The following KCND2 variants were observed in gnomAD, a reference collection of about 807,000 sequenced individuals.
KCND2 encodes A-type voltage-gated potassium channel KCND2.
KCND2 carries 16 observed loss-of-function variants against 54.4 expected under a neutral mutation model. That is an observed-to-expected ratio of 0.29 (90% CI 0.20 to 0.45). The LOEUF is 0.45. Among genes scored for constraint, KCND2 ranks in the 20% least tolerant of loss-of-function variants. The pLI is 1.00. For missense variants in KCND2, 486 were observed against 824.2 expected (o/e 0.59, Z 5.02); for synonymous variants, 317 against 310.7 (o/e 1.02, Z -0.21).
intron 1 of KCND2, among the ~76,000 whole-genome samples, chr7:120,643,121 A>G (rs2116533597): frequency 6.6e-6 from 1 of 152,328 alleles, no homozygotes. Flanking sequence ...GTACATACTG[A>G]TATCTTTTAC....
intron 1 of KCND2, among the ~76,000 whole-genome samples, chr7:120,322,687 T>C (rs781221986): frequency 7.9e-5 from 12 of 152,110 alleles, no homozygotes; most frequent in Non-Finnish European, 1.3e-4. Context: ...CCATATCCTG[T>C]TCTCTGGGTG....
In KCND2 at chr7:120,750,002, G is replaced by GCCTCCT. The variant is rs1412085484; in HGVS notation, c.*2146_*2151dup. Reference sequence around the variant, plus strand: ...TTAGGTTATTTCAATTGACAATTCTGCCTCCTCTTTTGATTTATCACTTAC... The same window carrying GCCTCCT: ...TTAGGTTATTTCAATTGACAATTCTGCCTCCTCCTCCTCTTTTGATTTATCACTTAC... On this transcript the variant is annotated 3_prime_UTR_variant, in exon 6 of 6. Transcript: ENST00000331113. 1 of 151,740 alleles carries GCCTCCT rather than the reference G, an allele frequency of 6.6e-6. No individual in the cohort carries two copies. The highest frequency in any genetic ancestry group is 1.5e-5 in the Non-Finnish European group (1 of 67,806). The allele number at this position is 151,740 out of a possible 1,614,324, so 9.4% of individuals were successfully genotyped here. A position where few individuals can be genotyped will look rare whatever the true frequency, so the allele number is the denominator to read the frequency against.
chr7:120,464,117 G>C, intron 1 of KCND2: 1 of 975,210 alleles, frequency 1.0e-6, no homozygotes, highest in Non-Finnish European at 1.2e-6. Context: ...TTTCCCCCTA[G>C]CTATCATTTA....
intron 1 of KCND2, among the ~76,000 whole-genome samples, chr7:120,303,566 C>G (rs765447925): frequency 6.6e-6 from 1 of 152,114 alleles, no homozygotes; most frequent in Non-Finnish European, 1.5e-5. Flanking sequence ...CTGCCAAAGA[C>G]AAAATTTTTA....
intron 1 of KCND2, among the ~76,000 whole-genome samples, chr7:120,434,716 T>C (rs1297995289): frequency 1.3e-5 from 2 of 152,306 alleles, no homozygotes; most frequent in Non-Finnish European, 2.9e-5. Context: ...AGTGGCCTCT[T>C]GTGGGGACAC....
chr7:120,296,031 C>G (rs757128043), intron 1 of KCND2, among the ~76,000 whole-genome samples: 1 of 152,030 alleles, frequency 6.6e-6, no homozygotes, highest in Non-Finnish European at 1.5e-5. Flanking sequence ...ACTGAATACT[C>G]AAGTATAATC....
Position 120,377,416 on chromosome 7 carries a change from G to A in KCND2, c.1115+101669G>A, listed in dbSNP as rs185962491. 3.5e-3 allele frequency among the ~76,000 whole-genome samples: 529 copies of A among 151,974 alleles called. 3 individuals are homozygous for A. The highest frequency in any genetic ancestry group is 0.012 in the African/African-American group (506 of 41,486). On this transcript the variant is annotated intron_variant, in intron 1 of 5. Transcript: ENST00000331113. ...AGTTTGTGGTGAGATTGTTAAAAATGTGATTCCTTCACTTCTTGAACAGAT... is the reference window on the plus strand; with the variant it reads ...AGTTTGTGGTGAGATTGTTAAAAATATGATTCCTTCACTTCTTGAACAGAT...
At chr7:120,560,836 G>T (rs1433855786) in intron 1 of KCND2, among the ~76,000 whole-genome samples, 1 of 152,088 alleles carries the variant, frequency 6.6e-6, no homozygotes, top group African/African-American at 2.4e-5. Flanking sequence ...AGATTATCGA[G>T]ACAATTCTAA....
At position 120,720,423 on chromosome 7, in the gene KCND2, C is replaced by T. The variant is rs570835320; in HGVS notation, c.1116-12480C>T. ...CTGTGGTAAGGTAAGCAGAGCACGG[C>T]TTTGGGTGAAAAAGCCCTGGGTTCC... On this transcript the variant is annotated intron_variant, in intron 1 of 5. Transcript: ENST00000331113. Among the ~76,000 whole-genome samples, 4 of 152,186 alleles carry T rather than the reference C, an allele frequency of 2.6e-5. No homozygotes were observed. In the East Asian group the frequency reaches 5.8e-4, roughly 22 times the overall value.
At chr7:120,275,865 A>C (rs1374161674) in intron 1 of KCND2, 118 bp downstream of exon 1, 2 of 1,167,918 alleles carry the variant, frequency 1.7e-6, no homozygotes, top group Non-Finnish European at 2.5e-6. Flanking sequence ...GAGTTTAGGA[A>C]AGCATTATCT....
intron 1 of KCND2, among the ~76,000 whole-genome samples, chr7:120,715,010 A>T (rs926350406): frequency 2.6e-5 from 4 of 152,070 alleles, no homozygotes; most frequent in African/African-American, 9.7e-5. Context: ...GTGTAGACCA[A>T]ATACCCCACG....
intron 1 of KCND2, among the ~76,000 whole-genome samples, chr7:120,417,431 T>G (rs955974273): frequency 6.6e-6 from 1 of 152,182 alleles, no homozygotes; most frequent in African/African-American, 2.4e-5. Flanking sequence ...CTGAAAAGAT[T>G]TATTGAGACC....
At chr7:120,326,543 G>A (rs1799982148) in intron 1 of KCND2, among the ~76,000 whole-genome samples, 1 of 152,042 alleles carries the variant, frequency 6.6e-6, no homozygotes, top group East Asian at 1.9e-4. Flanking sequence ...CATTGTTGAA[G>A]GGAAAATATA....
intron 1 of KCND2, among the ~76,000 whole-genome samples, chr7:120,604,389 T>A (rs1490176986): frequency 6.8e-6 from 1 of 147,984 alleles, no homozygotes; most frequent in Non-Finnish European, 1.5e-5. Flanking sequence ...TCCCAGGTAC[T>A]CAGGAGACTG....
At chr7:120,490,242 T>C (rs1050891611) in intron 1 of KCND2, among the ~76,000 whole-genome samples, 2 of 152,158 alleles carry the variant, frequency 1.3e-5, no homozygotes, top group Non-Finnish European at 2.9e-5. Context: ...TTTAGCGTTC[T>C]TTCAGTTATG....
chr7:120,672,664 A>C (rs931211454), intron 1 of KCND2, among the ~76,000 whole-genome samples: 9 of 152,192 alleles, frequency 5.9e-5, no homozygotes, highest in East Asian at 1.9e-4. Flanking sequence ...AATGAGCCAG[A>C]TCTATCAGCA....
chr7:120,496,446 A>G (rs1802848663), intron 1 of KCND2, among the ~76,000 whole-genome samples: 1 of 151,636 alleles, frequency 6.6e-6, no homozygotes, highest in Non-Finnish European at 1.5e-5. Context: ...TTTTTTTGAG[A>G]TGGAGTCTCG....
At chr7:120,604,537 T>C (rs1792856603) in intron 1 of KCND2, among the ~76,000 whole-genome samples, 1 of 147,944 alleles carries the variant, frequency 6.8e-6, no homozygotes, top group Non-Finnish European at 1.5e-5. Context: ...ATAATAATAA[T>C]AATAATAATA....
intron 1 of KCND2, among the ~76,000 whole-genome samples, chr7:120,666,441 T>A (rs1791928004): frequency 6.6e-6 from 1 of 151,730 alleles, no homozygotes; most frequent in South Asian, 2.1e-4. Flanking sequence ...GAATCAATAA[T>A]CTAGTATGAA....
Sources: gnomAD v4.1 joint callset for allele counts (sites outside exome capture counted in the v4.1 genomes callset) on GRCh38, gnomAD v4.1.1 for gene constraint, MANE v1.5 for transcripts, NCBI Gene and HGNC (gene_info 2026-07-23, HGNC 2026-07-21) for gene names.